Variants in TBC1D19 observed in about 807,000 individuals in gnomAD.
TBC1D19 encodes the protein TBC1 domain family member 19, also known as TBC1 domain family, member 19.
In TBC1D19, 60 loss-of-function variants were observed where a neutral mutation model predicts 89.0. That is an observed-to-expected ratio of 0.67 (90% CI 0.55 to 0.84). The LOEUF is 0.84. Among genes scored for constraint, TBC1D19 ranks in the 40% least tolerant of loss-of-function variants. TBC1D19 has a pLI of 0.00. For missense variants in TBC1D19, 500 were observed against 610.8 expected (o/e 0.82, Z 1.91); for synonymous variants, 189 against 199.7 (o/e 0.95, Z 0.45).
rs9991519 is a variant in TBC1D19, at chr4:26,625,018, C to T, written c.294+4330C>T. 7.0e-3 allele frequency among the ~76,000 whole-genome samples: 1,057 copies of T among 151,906 alleles called. 10 individuals carry two copies. Among genetic ancestry groups the T allele is most frequent in the African/African-American group, 0.024 (976 of 41,438 alleles). On this transcript the variant is annotated intron_variant, in intron 4 of 20. Coordinates refer to ENST00000264866, the MANE Select transcript of TBC1D19 (RefSeq NM_018317.4). ...TTTTCACTTTGTATTCAGTAAAACA[C>T]GGGTAGAAAATATTTTGAATTGTAC...
chr4:26,741,219 G>A (rs938786891), intron 17 of TBC1D19, among the ~76,000 whole-genome samples: 33 of 151,758 alleles, frequency 2.2e-4, no homozygotes, highest in Non-Finnish European at 3.5e-4. Flanking sequence ...AGCCTGGCGC[G>A]GTGGCGGGCG....
chr4:26,823,068 G>A, the TBC1D19 span, among the ~76,000 whole-genome samples: 1 of 152,204 alleles, frequency 6.6e-6, no homozygotes, highest in Non-Finnish European at 1.5e-5. Flanking sequence ...CAAAGAAAGA[G>A]GTTTAATGGA....
chr4:26,765,867 G>A, the TBC1D19 span, among the ~76,000 whole-genome samples: 1,453 of 152,152 alleles, frequency 9.5e-3, 16 homozygotes, highest in African/African-American at 0.033. Flanking sequence ...TTCGGGCATG[G>A]GGAGGGATTA....
intron 1 of TBC1D19, among the ~76,000 whole-genome samples, chr4:26,597,830 C>A (rs745938619): frequency 2.6e-5 from 4 of 151,812 alleles, no homozygotes; most frequent in African/African-American, 7.3e-5. Flanking sequence ...TTTTTGCATT[C>A]TTTTGGGTTA....
intron 15 of TBC1D19, among the ~76,000 whole-genome samples, chr4:26,727,605 G>T (rs1204470587): frequency 6.6e-6 from 1 of 152,090 alleles, no homozygotes; most frequent in Non-Finnish European, 1.5e-5. Flanking sequence ...ACCCAATGAA[G>T]TTGATCTTGT....
intron 9 of TBC1D19, among the ~76,000 whole-genome samples, chr4:26,668,770 G>A (rs117351558): frequency 2.0e-5 from 3 of 151,834 alleles, no homozygotes; most frequent in East Asian, 1.9e-4. Context: ...GTGTTCTTAC[G>A]CATCTTTAAA....
chr4:26,656,393 A>G (rs1413470745), intron 7 of TBC1D19, among the ~76,000 whole-genome samples: 1 of 151,978 alleles, frequency 6.6e-6, no homozygotes, highest in African/African-American at 2.4e-5. Context: ...CCTTCTAATG[A>G]GTTATTTGTT....
At chr4:26,673,458 C>T (rs1282144437) in intron 10 of TBC1D19, among the ~76,000 whole-genome samples, 16 of 146,710 alleles carry the variant, frequency 1.1e-4, no homozygotes, top group Non-Finnish European at 1.5e-4. Flanking sequence ...CACACACACA[C>T]ACACACACAC....
intron 12 of TBC1D19, among the ~76,000 whole-genome samples, chr4:26,687,557 G>C (rs552460306): frequency 6.6e-6 from 1 of 151,472 alleles, no homozygotes; most frequent in Admixed American, 6.6e-5. Flanking sequence ...TTATTGGAGG[G>C]GTACCTATAT....
intron 15 of TBC1D19, among the ~76,000 whole-genome samples, chr4:26,727,695 A>G (rs1717399334): frequency 1.3e-5 from 2 of 152,246 alleles, no homozygotes; most frequent in Admixed American, 6.5e-5. Flanking sequence ...ATTCAAATTC[A>G]TGTCTATATG....
At chr4:26,853,573 C>T in the TBC1D19 span, among the ~76,000 whole-genome samples, 124,163 of 151,912 alleles carry the variant, frequency 0.82, 51,043 homozygotes, top group Middle Eastern at 0.97. Context: ...AGTCTCGCTC[C>T]GTCGCCCAGG....
At chr4:26,742,024 G>A (rs895822091) in intron 17 of TBC1D19, among the ~76,000 whole-genome samples, 2 of 152,182 alleles carry the variant, frequency 1.3e-5, no homozygotes, top group Non-Finnish European at 2.9e-5. Flanking sequence ...CAAAGAAAGA[G>A]TGAGAAAAGC....
At chr4:26,746,232 A>ATTT (rs11315419) in intron 18 of TBC1D19, among the ~76,000 whole-genome samples, 1 of 131,986 alleles carries the variant, frequency 7.6e-6, no homozygotes, top group African/African-American at 2.8e-5. Context: ...TTGCAGGTCT[A>ATTT]TTTTTTTTTT....
chr4:26,729,852 A>G (rs1201796134), intron 15 of TBC1D19, among the ~76,000 whole-genome samples: 1 of 152,216 alleles, frequency 6.6e-6, no homozygotes, highest in Non-Finnish European at 1.5e-5. Flanking sequence ...ATTTATTTTA[A>G]TATCTCCAGA....
intron 19 of TBC1D19, among the ~76,000 whole-genome samples, chr4:26,749,514 T>C (rs1028889849): frequency 1.3e-5 from 2 of 151,590 alleles, no homozygotes; most frequent in Non-Finnish European, 2.9e-5. Flanking sequence ...TGGCATGATC[T>C]TGGCTCACTA....
chr4:26,710,889 T>C (rs567626566), intron 13 of TBC1D19, among the ~76,000 whole-genome samples: 286 of 152,308 alleles, frequency 1.9e-3, no homozygotes, highest in African/African-American at 6.5e-3. Flanking sequence ...TGTTTTTTCT[T>C]GTAAGTTTGT....
At chr4:26,664,660 AAT>A (rs1200212114) in intron 8 of TBC1D19, among the ~76,000 whole-genome samples, 2 of 149,348 alleles carry the variant, frequency 1.3e-5, no homozygotes, top group African/African-American at 4.9e-5. Flanking sequence ...TGCAAGATTT[AAT>A]AGAGTGAAAA....
chr4:26,605,115 CATATGTAG>C (rs1384822782), intron 1 of TBC1D19, among the ~76,000 whole-genome samples: 2 of 151,622 alleles, frequency 1.3e-5, no homozygotes, highest in Admixed American at 6.6e-5. Flanking sequence ...AGGTTAGTTA[CATATGTAG>C]ATATGTGCCA....
At chr4:26,667,756 A>ATTCC (rs2109096022) in intron 9 of TBC1D19, among the ~76,000 whole-genome samples, 1 of 151,814 alleles carries the variant, frequency 6.6e-6, no homozygotes, top group South Asian at 2.1e-4. Flanking sequence ...TCATTCATTC[A>ATTCC]CTCATATTCA....
Sources: allele counts gnomAD v4.1 joint callset (sites outside exome capture counted in the v4.1 genomes callset), GRCh38; gene constraint gnomAD v4.1.1; transcripts MANE v1.5; gene names NCBI Gene and HGNC (gene_info 2026-07-23, HGNC 2026-07-21).